The following ABCB7 variants were observed in gnomAD, a reference collection of about 807,000 sequenced individuals.
The protein encoded by ABCB7 is ATP binding cassette subfamily B member 7.
A neutral mutation model predicts 54.4 loss-of-function variants in ABCB7; 7 were observed. That is an observed-to-expected ratio of 0.13 (90% CI 0.07 to 0.24). The LOEUF (loss-of-function observed/expected upper bound fraction) is 0.24. Ranked by LOEUF, ABCB7 falls within the 10% of genes least tolerant of loss-of-function variation. ABCB7 has a pLI of 1.00. For missense variants in ABCB7, 356 were observed against 570.4 expected, an observed-to-expected ratio of 0.62 and a Z score of 3.83; for synonymous variants, 218 against 207.1, an observed-to-expected ratio of 1.05 and a Z score of -0.45.
chrX:75,115,588 T>C (rs1378959347), intron 1 of ABCB7, among the ~76,000 whole-genome samples: 2 of 108,591 alleles, frequency 1.8e-5, no homozygotes, highest in Admixed American at 2.0e-4. Context: ...TTCGTCTTAA[T>C]CGGAATGCTA....
At chrX:75,071,039 T>C (rs189442656) in intron 9 of ABCB7, among the ~76,000 whole-genome samples, 39 of 109,727 alleles carry the variant, frequency 3.6e-4, no homozygotes, top group Non-Finnish European at 4.2e-4. Context: ...GAATGAATAC[T>C]AACTGAGTGG....
chrX:75,087,783 G>A (rs1244631794), intron 4 of ABCB7, among the ~76,000 whole-genome samples: 1 of 112,066 alleles, frequency 8.9e-6, no homozygotes, highest in Non-Finnish European at 1.9e-5. Context: ...GGGACTATAT[G>A]TCATTGTCAT....
chrX:75,150,355 G>C (rs2082122176), intron 1 of ABCB7, among the ~76,000 whole-genome samples: 1 of 111,275 alleles, frequency 9.0e-6, no homozygotes, highest in Non-Finnish European at 1.9e-5. Flanking sequence ...TCAGGGAGAT[G>C]GATTTCAGGA....
In ABCB7 at chrX:75,070,313, T is replaced by C. The variant is rs377576795; in HGVS notation, c.1365+52A>G. ...AGGAATATTCCTAGAATAATCCTAC[T>C]AATAGGATGATGTTCACATACTTTT... is the stretch of plus-strand genomic sequence containing the variant. On this transcript the variant is annotated intron_variant, in intron 10 of 15. Transcript: ENST00000373394. 2.7e-5 allele frequency: 30 copies of C among 1,105,859 alleles called. No individual in the cohort carries two copies. In the African/African-American group the frequency reaches 5.1e-4, roughly 19 times the overall value. The allele number at this position is 1,105,859 out of a possible 1,213,427, so 91.1% of individuals were successfully genotyped here. A position where few individuals can be genotyped will look rare whatever the true frequency, so the allele number is the denominator to read the frequency against.
intron 10 of ABCB7, 123 bp from the exon 11 acceptor site, chrX:75,069,577 C>T: frequency 1.4e-6 from 1 of 696,447 alleles, no homozygotes. Flanking sequence ...TATAAGTGGA[C>T]TTAGACCACT....
chrX:75,120,419 T>A (rs768731391), intron 1 of ABCB7, among the ~76,000 whole-genome samples: 1 of 109,612 alleles, frequency 9.1e-6, no homozygotes, highest in Non-Finnish European at 1.9e-5. Context: ...GAGACCAGCC[T>A]GGCTAATGGT....
chrX:75,063,314 C>G (rs1186232714), intron 13 of ABCB7, among the ~76,000 whole-genome samples: 2 of 111,168 alleles, frequency 1.8e-5, no homozygotes, highest in Non-Finnish European at 3.8e-5. Context: ...AGATGGTACT[C>G]TGCTGACTAT....
At chrX:75,071,121 G>A (rs2081360574) in intron 9 of ABCB7, among the ~76,000 whole-genome samples, 1 of 110,253 alleles carries the variant, frequency 9.1e-6, no homozygotes, top group South Asian at 3.9e-4. Flanking sequence ...AAAAAAGGAG[G>A]AGAAAGATTA....
At chrX:75,118,392 A>G (rs1026655376) in intron 1 of ABCB7, among the ~76,000 whole-genome samples, 1 of 108,759 alleles carries the variant, frequency 9.2e-6, no homozygotes, top group Non-Finnish European at 1.9e-5. Context: ...AAGAAATTTA[A>G]AAGGCCTTTT....
chrX:75,104,663 C>T (rs1237737794), intron 3 of ABCB7, among the ~76,000 whole-genome samples: 1 of 111,019 alleles, frequency 9.0e-6, no homozygotes, highest in African/African-American at 3.3e-5. Context: ...CAAAACATTT[C>T]AGGAAGAGGG....
intron 15 of ABCB7, among the ~76,000 whole-genome samples, chrX:75,059,767 G>A (rs1241971420): frequency 1.8e-5 from 2 of 111,087 alleles, no homozygotes; most frequent in African/African-American, 3.3e-5. Flanking sequence ...TTACTTTCCC[G>A]AAAAGGAAAA....
At chrX:75,154,423 T>G (rs2082157621) in intron 1 of ABCB7, among the ~76,000 whole-genome samples, 1 of 112,317 alleles carries the variant, frequency 8.9e-6, no homozygotes, top group African/African-American at 3.2e-5. Context: ...TTCATCTGCC[T>G]TATTGGAGAA....
intron 15 of ABCB7, 82 bp from the exon 16 acceptor site, chrX:75,053,667 A>G: frequency 8.9e-7 from 1 of 1,126,753 alleles, no homozygotes; most frequent in Non-Finnish European, 1.2e-6. Context: ...CTTTCTAACT[A>G]AGGAGTTTGA....
intron 15 of ABCB7, among the ~76,000 whole-genome samples, chrX:75,058,460 T>C (rs2081258586): frequency 8.9e-6 from 1 of 112,060 alleles, no homozygotes; most frequent in Non-Finnish European, 1.9e-5. Context: ...AGAAGTTCCC[T>C]AGATATGCCG....
chrX:75,155,790 GAA>G (rs2082170570), intron 1 of ABCB7, among the ~76,000 whole-genome samples: 1 of 110,937 alleles, frequency 9.0e-6, no homozygotes. Context: ...CTCGTCTTTA[GAA>G]AGGCAAGCAG....
At position 75,051,141 on chromosome X, in the gene ABCB7, GAA is replaced by G; in HGVS notation, c.*2227_*2228del. 1.2e-5 allele frequency among the ~76,000 whole-genome samples: 1 copy of G among 84,717 alleles called. No homozygotes were observed. Among genetic ancestry groups the G allele is most frequent in the African/African-American group, 4.1e-5 (1 of 24,529 alleles). The allele number at this position is 84,717 out of a possible 115,157, so 73.6% of individuals were successfully genotyped here. On this transcript the variant is annotated 3_prime_UTR_variant, in exon 16 of 16. Coordinates refer to ENST00000373394, the MANE Select transcript of ABCB7 (RefSeq NM_001271696.3). ...TTTCAGAGTAAGAAATGTTGAAAAG[GAA>G]AAAAAAAAAAAAACTAATCCACTTT...
chrX:75,143,928 A>C (rs1183156083), intron 1 of ABCB7, among the ~76,000 whole-genome samples: 1 of 111,158 alleles, frequency 9.0e-6, no homozygotes, highest in Admixed American at 9.6e-5. Context: ...TGGGTAAGAA[A>C]ATTTTTATTC....
At chrX:75,105,868 G>T (rs1354049658) in intron 3 of ABCB7, among the ~76,000 whole-genome samples, 1 of 111,569 alleles carries the variant, frequency 9.0e-6, no homozygotes, top group Non-Finnish European at 1.9e-5. Context: ...TGACAAAGTT[G>T]ACAAAAGTAT....
At position 75,117,044 on chromosome X, in the gene ABCB7, A is replaced by T. The variant is rs762365967; in HGVS notation, c.169-2213T>A. Among the ~76,000 whole-genome samples, 3 of 111,235 alleles carry T rather than the reference A, an allele frequency of 2.7e-5. No individual in the cohort carries two copies. The South Asian group carries it at 1.2e-3, about 43-fold the overall frequency. ...CTTGCTTAGCACATAATCAAGAAAT[A>T]ACCATAAAAATCTGCTCTGCCTACA... On this transcript the variant is annotated intron_variant, in intron 1 of 15. Coordinates refer to ENST00000373394, the MANE Select transcript of ABCB7 (RefSeq NM_001271696.3).
Sources: gnomAD v4.1 joint callset for allele counts (sites outside exome capture counted in the v4.1 genomes callset) on GRCh38, gnomAD v4.1.1 for gene constraint, MANE v1.5 for transcripts, NCBI Gene and HGNC (gene_info 2026-07-23, HGNC 2026-07-21) for gene names.